CHST11: variants seen among roughly 807,000 people sequenced by gnomAD.
CHST11 encodes carbohydrate sulfotransferase 11, also known as C4S-1.
A neutral mutation model predicts 30.4 loss-of-function variants in CHST11; 9 were observed. That is an observed-to-expected ratio of 0.30 (90% CI 0.18 to 0.52). The LOEUF (loss-of-function observed/expected upper bound fraction) is 0.52. Among genes scored for constraint, CHST11 ranks in the 20% least tolerant of loss-of-function variants. The pLI is 0.97. For synonymous variants in CHST11, 152 were observed against 187.8 expected, an observed-to-expected ratio of 0.81 and a Z score of 1.56; for missense variants, 348 against 460.6, an observed-to-expected ratio of 0.76 and a Z score of 2.24.
At chr12:104,689,626 C>T (rs754644072) in intron 2 of CHST11, among the ~76,000 whole-genome samples, 1 of 152,172 alleles carries the variant, frequency 6.6e-6, no homozygotes, top group African/African-American at 2.4e-5. Context: ...GTGCCCAAGG[C>T]GGCTAGCATA....
At chr12:104,479,913 G>C (rs1186296898) in intron 1 of CHST11, among the ~76,000 whole-genome samples, 1 of 152,174 alleles carries the variant, frequency 6.6e-6, no homozygotes, top group African/African-American at 2.4e-5. Flanking sequence ...TCCAGCGGAG[G>C]GCATTCCCCT....
At chr12:104,531,247 TG>T (rs1286952235) in intron 1 of CHST11, among the ~76,000 whole-genome samples, 3 of 152,078 alleles carry the variant, frequency 2.0e-5, no homozygotes, top group Non-Finnish European at 4.4e-5. Flanking sequence ...CCCAACACTT[TG>T]GGAGGCTGAG....
At chr12:104,607,524 T>C (rs2039017524) in intron 2 of CHST11, among the ~76,000 whole-genome samples, 1 of 152,166 alleles carries the variant, frequency 6.6e-6, no homozygotes, top group African/African-American at 2.4e-5. Flanking sequence ...GGTTAGCCTC[T>C]GAGGGGCGGT....
intron 2 of CHST11, among the ~76,000 whole-genome samples, chr12:104,626,104 A>G (rs1463281806): frequency 6.6e-6 from 1 of 152,202 alleles, no homozygotes; most frequent in Non-Finnish European, 1.5e-5. Context: ...ACACCAGCCT[A>G]AAACACGGAG....
intron 1 of CHST11, among the ~76,000 whole-genome samples, chr12:104,524,544 T>A (rs1037302197): frequency 1.6e-4 from 24 of 152,106 alleles, no homozygotes. Flanking sequence ...TTCATCTACT[T>A]ATCCACCTTA....
Position 104,617,363 on chromosome 12 carries a change from C to T in CHST11, c.204+15372C>T, listed in dbSNP as rs947403783. ...GGAGGCAACCTAGGCTCTCCATGCC[C>T]GCCTCTCACCTTCACTCCAGCATTT... On this transcript the variant is annotated intron_variant, in intron 2 of 2. Coordinates refer to ENST00000303694, the MANE Select transcript of CHST11 (RefSeq NM_018413.6). 1.1e-4 allele frequency among the ~76,000 whole-genome samples: 16 copies of T among 152,138 alleles called. No individual in the cohort carries two copies. The South Asian group carries it at 1.5e-3, about 14-fold the overall frequency.
chr12:104,598,634 A>G (rs1008522513), intron 1 of CHST11, among the ~76,000 whole-genome samples: 1 of 152,160 alleles, frequency 6.6e-6, no homozygotes, highest in African/African-American at 2.4e-5. Flanking sequence ...TTAACAAGCA[A>G]TATCATGGGG....
intron 2 of CHST11, among the ~76,000 whole-genome samples, chr12:104,713,670 G>A (rs766860049): frequency 9.2e-5 from 14 of 152,210 alleles, no homozygotes; most frequent in South Asian, 2.1e-4. Context: ...TCTGTTTGCC[G>A]ACTTGGCTGA....
intron 1 of CHST11, among the ~76,000 whole-genome samples, chr12:104,565,210 C>A (rs1277436847): frequency 6.6e-6 from 1 of 150,880 alleles, no homozygotes; most frequent in African/African-American, 2.4e-5. Flanking sequence ...AATTCCTATC[C>A]TGGAAGGGAC....
At chr12:104,732,733 A>G (rs80012815) in intron 2 of CHST11, among the ~76,000 whole-genome samples, 2,028 of 152,230 alleles carry the variant, frequency 0.013, 55 homozygotes, top group African/African-American at 0.046. Flanking sequence ...GGCATTTGCC[A>G]CACCCAGGTG....
chr12:104,557,556 C>T (rs2038469592), intron 1 of CHST11, among the ~76,000 whole-genome samples: 1 of 151,948 alleles, frequency 6.6e-6, no homozygotes, highest in Non-Finnish European at 1.5e-5. Flanking sequence ...GGGCCTGAAG[C>T]CCAGAGGGGA....
chr12:104,686,009 T>C (rs1458922239), intron 2 of CHST11, among the ~76,000 whole-genome samples: 1 of 152,078 alleles, frequency 6.6e-6, no homozygotes. Context: ...GGAGGACCAC[T>C]TGAGGCCAGG....
At chr12:104,745,908 T>C (rs1355414928) in intron 2 of CHST11, among the ~76,000 whole-genome samples, 2 of 152,196 alleles carry the variant, frequency 1.3e-5, no homozygotes, top group Non-Finnish European at 2.9e-5. Context: ...ACTTCCTTTC[T>C]TCCTACTCAA....
intron 2 of CHST11, among the ~76,000 whole-genome samples, chr12:104,737,651 C>T (rs539260044): frequency 5.3e-5 from 8 of 152,264 alleles, no homozygotes; most frequent in Non-Finnish European, 7.4e-5. Context: ...GTGCCTTCCT[C>T]GGGGCAGTGG....
chr12:104,754,404 C>G (rs1336813372), intron 2 of CHST11, among the ~76,000 whole-genome samples: 1 of 152,186 alleles, frequency 6.6e-6, no homozygotes, highest in Non-Finnish European at 1.5e-5. Context: ...TCATTCACAT[C>G]ACTGTGGTCC....
intron 2 of CHST11, among the ~76,000 whole-genome samples, chr12:104,679,392 G>A (rs990694348): frequency 2.0e-5 from 3 of 152,114 alleles, no homozygotes; most frequent in Non-Finnish European, 4.4e-5. Context: ...ACCCACCGAG[G>A]CCTGGAACCA....
At chr12:104,732,984 C>T (rs944639473) in intron 2 of CHST11, among the ~76,000 whole-genome samples, 6 of 152,278 alleles carry the variant, frequency 3.9e-5, no homozygotes, top group Middle Eastern at 3.2e-3. Flanking sequence ...CATGCATCGT[C>T]TCACTTAATC....
intron 2 of CHST11, among the ~76,000 whole-genome samples, chr12:104,604,041 G>A (rs1279423340): frequency 1.3e-5 from 2 of 152,152 alleles, no homozygotes. Context: ...GGGTGGAGAG[G>A]GTGTGTGCTT....
chr12:104,692,921 T>C (rs2039910533), intron 2 of CHST11, among the ~76,000 whole-genome samples: 2 of 131,310 alleles, frequency 1.5e-5, no homozygotes, highest in African/African-American at 5.8e-5. Context: ...ATGAAACCAG[T>C]CCCTGGTACC....
Sources: gnomAD v4.1 joint callset for allele counts (sites outside exome capture counted in the v4.1 genomes callset) on GRCh38, gnomAD v4.1.1 for gene constraint, MANE v1.5 for transcripts, NCBI Gene and HGNC (gene_info 2026-07-23, HGNC 2026-07-21) for gene names.